The following CHCHD3 variants were observed in gnomAD, a reference collection of about 807,000 sequenced individuals.
The protein encoded by CHCHD3 is coiled-coil-helix-coiled-coil-helix domain containing 3, also known as MICOS complex subunit MIC19.
In CHCHD3, 20 loss-of-function variants were observed where a neutral mutation model predicts 38.2. That is an observed-to-expected ratio of 0.52 (90% CI 0.37 to 0.76). CHCHD3 has a LOEUF of 0.76. Ranked by LOEUF, CHCHD3 falls within the 30% of genes least tolerant of loss-of-function variation. The probability of loss-of-function intolerance (pLI) is 0.00; values close to 1 mark genes in which losing one functional copy is unlikely to be tolerated. For missense variants in CHCHD3, 245 were observed against 279.2 expected (o/e 0.88, Z 0.87); for synonymous variants, 82 against 100.0 (o/e 0.82, Z 1.07).
intron 5 of CHCHD3, among the ~76,000 whole-genome samples, chr7:132,853,581 C>T (rs1227129016): frequency 1.3e-5 from 2 of 152,118 alleles, no homozygotes; most frequent in Admixed American, 6.5e-5. Context: ...GAGATCGCGC[C>T]ACTGCACTCC....
chr7:133,044,012 G>C (rs951950668), intron 2 of CHCHD3, among the ~76,000 whole-genome samples: 1 of 152,166 alleles, frequency 6.6e-6, no homozygotes, highest in African/African-American at 2.4e-5. Context: ...TTCAGCATCA[G>C]TGTCCCGTAT....
At chr7:132,991,469 T>C (rs750200171) in intron 3 of CHCHD3, among the ~76,000 whole-genome samples, 4 of 152,188 alleles carry the variant, frequency 2.6e-5, no homozygotes, top group Non-Finnish European at 5.9e-5. Flanking sequence ...ACAACTGATA[T>C]ACTTATTTCT....
At chr7:133,046,799 G>A (rs1056630785) in intron 2 of CHCHD3, among the ~76,000 whole-genome samples, 2 of 152,114 alleles carry the variant, frequency 1.3e-5, no homozygotes, top group African/African-American at 2.4e-5. Flanking sequence ...TCCTGACCTC[G>A]TGATCTGCCC....
chr7:132,800,606 T>A (rs1806765309), intron 6 of CHCHD3, among the ~76,000 whole-genome samples: 2 of 152,128 alleles, frequency 1.3e-5, no homozygotes, highest in African/African-American at 2.4e-5. Flanking sequence ...CTCAGAAGGC[T>A]AAAAAAATCA....
intron 1 of CHCHD3, among the ~76,000 whole-genome samples, chr7:133,072,756 G>A (rs1302592334): frequency 1.3e-5 from 2 of 150,886 alleles, no homozygotes; most frequent in African/African-American, 2.4e-5. Flanking sequence ...GGAGAATGGC[G>A]TGAACCCGGG....
At chr7:132,952,181 G>A (rs1811050848) in intron 4 of CHCHD3, among the ~76,000 whole-genome samples, 1 of 152,208 alleles carries the variant, frequency 6.6e-6, no homozygotes, top group Non-Finnish European at 1.5e-5. Flanking sequence ...AGCAAGAGGA[G>A]AATGACATCT....
intron 5 of CHCHD3, among the ~76,000 whole-genome samples, chr7:132,884,132 A>C (rs1809145783): frequency 2.0e-5 from 3 of 152,114 alleles, no homozygotes; most frequent in Non-Finnish European, 4.4e-5. Context: ...CTTGCCCAAC[A>C]CAGCAGCCAG....
chr7:132,996,870 G>A lies in CHCHD3; in HGVS notation c.252-21584C>T, dbSNP rs576960865. ...GGAAGGGACTGCAAGATTAACTATC[G>A]TTAAAAACATCTTCGGCATACTGCC... is the stretch of plus-strand genomic sequence containing the variant. On this transcript the variant is annotated intron_variant, in intron 3 of 7. Coordinates refer to ENST00000262570, the MANE Select transcript of CHCHD3 (RefSeq NM_017812.4). Among the ~76,000 whole-genome samples, 7 of 152,290 alleles carry A rather than the reference G, an allele frequency of 4.6e-5. No homozygotes were observed. In the South Asian group the frequency reaches 6.2e-4, roughly 14 times the overall value.
intron 4 of CHCHD3, among the ~76,000 whole-genome samples, chr7:132,890,677 G>A (rs1291815365): frequency 6.8e-6 from 1 of 147,420 alleles, no homozygotes; most frequent in Non-Finnish European, 1.5e-5. Context: ...AACAAAGCAG[G>A]TACCTACTCA....
intron 2 of CHCHD3, among the ~76,000 whole-genome samples, chr7:133,064,701 TAACAC>T (rs1423980910): frequency 6.6e-6 from 1 of 152,224 alleles, no homozygotes; most frequent in Non-Finnish European, 1.5e-5. Flanking sequence ...GTGATATACT[TAACAC>T]AAACTGGCAA....
chr7:132,792,998 C>G (rs758429718), intron 7 of CHCHD3, among the ~76,000 whole-genome samples: 2 of 152,190 alleles, frequency 1.3e-5, no homozygotes, highest in East Asian at 3.8e-4. Context: ...AGACGTAATG[C>G]AGATCTGACA....
At chr7:132,957,620 TAC>T (rs1811215996) in intron 4 of CHCHD3, among the ~76,000 whole-genome samples, 1 of 151,820 alleles carries the variant, frequency 6.6e-6, no homozygotes, top group African/African-American at 2.4e-5. Flanking sequence ...TAGCTGGGAT[TAC>T]AGGCTGCGCC....
intron 7 of CHCHD3, among the ~76,000 whole-genome samples, chr7:132,786,845 A>G (rs1235123415): frequency 6.6e-6 from 1 of 152,268 alleles, no homozygotes; most frequent in East Asian, 1.9e-4. Context: ...TGTAAACAGC[A>G]TAACATTTAA....
At chr7:133,008,982 A>AC (rs575358672) in intron 3 of CHCHD3, among the ~76,000 whole-genome samples, 5 of 151,880 alleles carry the variant, frequency 3.3e-5, no homozygotes, top group Non-Finnish European at 7.4e-5. Flanking sequence ...AAAAAAAAAA[A>AC]AACAACAACA....
At chr7:132,829,778 C>CT (rs1165716252) in intron 6 of CHCHD3, among the ~76,000 whole-genome samples, 1 of 152,156 alleles carries the variant, frequency 6.6e-6, no homozygotes, top group Non-Finnish European at 1.5e-5. Flanking sequence ...CCCTTTTGGT[C>CT]TTGTGACCAT....
intron 2 of CHCHD3, among the ~76,000 whole-genome samples, chr7:133,047,392 C>G (rs190678759): frequency 8.3e-4 from 127 of 152,254 alleles, no homozygotes; most frequent in African/African-American, 2.9e-3. Context: ...ACATTTCTGT[C>G]ACTCAGGAAA....
rs1270527218 is a variant in CHCHD3 at position 132,973,957 on chromosome 7, T to TA, written c.369+1211dup. 1.2e-5 allele frequency: 16 copies of TA among 1,285,820 alleles called. No homozygotes were observed. The African/African-American group carries it at 2.4e-4, about 20-fold the overall frequency. 79.7% of individuals were successfully genotyped at this position (1,285,820 alleles called of 1,614,324 possible). On this transcript the variant is annotated intron_variant, in intron 4 of 7. Coordinates refer to ENST00000262570, the MANE Select transcript of CHCHD3 (RefSeq NM_017812.4). Reference sequence around the variant, plus strand: ...TTCCGAGGAGTAACATCTGGGTTTCTAGGAAGGCCGAAGTGGAGGCTAAGC... The same window carrying TA: ...TTCCGAGGAGTAACATCTGGGTTTCTAAGGAAGGCCGAAGTGGAGGCTAAGC...
At chr7:132,880,493 A>C (rs1261648299) in intron 5 of CHCHD3, among the ~76,000 whole-genome samples, 1 of 152,196 alleles carries the variant, frequency 6.6e-6, no homozygotes, top group African/African-American at 2.4e-5. Flanking sequence ...CTAGTGAAGA[A>C]GATACTAAAC....
chr7:132,901,448 A>T (rs569949008), intron 4 of CHCHD3, among the ~76,000 whole-genome samples: 1 of 152,326 alleles, frequency 6.6e-6, no homozygotes, highest in East Asian at 1.9e-4. Context: ...TGCCCATTAA[A>T]GAAGCCACCC....
Sources: gnomAD v4.1 joint callset for allele counts (sites outside exome capture counted in the v4.1 genomes callset) on GRCh38, gnomAD v4.1.1 for gene constraint, MANE v1.5 for transcripts, NCBI Gene and HGNC (gene_info 2026-07-23, HGNC 2026-07-21) for gene names.